Variants in RTN1 observed in about 807,000 individuals in gnomAD.
RTN1 encodes reticulon 1, also known as reticulon-1.
RTN1 carries 25 observed loss-of-function variants against 65.5 expected under a neutral mutation model. The observed-to-expected ratio is 0.38, with a 90% CI of 0.28 to 0.53. The LOEUF (loss-of-function observed/expected upper bound fraction) is 0.53. Among genes scored for constraint, RTN1 ranks in the 20% least tolerant of loss-of-function variants. The probability of loss-of-function intolerance (pLI) is 0.79; values close to 1 mark genes in which losing one functional copy is unlikely to be tolerated. For missense variants in RTN1, 983 were observed against 1,025.4 expected, an observed-to-expected ratio of 0.96 and a Z score of 0.57; for synonymous variants, 471 against 447.6, an observed-to-expected ratio of 1.05 and a Z score of -0.66.
intron 1 of RTN1, among the ~76,000 whole-genome samples, chr14:59,809,823 G>A (rs977264773): frequency 6.6e-6 from 1 of 152,100 alleles, no homozygotes; most frequent in African/African-American, 2.4e-5. Flanking sequence ...GCCCTAGTGA[G>A]GTAGTAAGAG....
chr14:59,728,794 C>A (rs1487532975), intron 2 of RTN1, among the ~76,000 whole-genome samples: 1 of 152,168 alleles, frequency 6.6e-6, no homozygotes, highest in Non-Finnish European at 1.5e-5. Flanking sequence ...TATCCATATT[C>A]ATTCATCTGT....
At chr14:59,694,967 C>A (rs1884033493) in intron 3 of RTN1, among the ~76,000 whole-genome samples, 1 of 152,180 alleles carries the variant, frequency 6.6e-6, no homozygotes, top group Non-Finnish European at 1.5e-5. Context: ...AAGTGGGCAG[C>A]CACAGACAAA....
In RTN1 at chr14:59,870,396, A is replaced by G; in HGVS notation, c.235T>C (p.Ser79Pro). Residue 79 changes from serine (S) to proline (P), a missense_variant, in exon 1 of 9, where the codon TCC (serine) becomes CCC (proline). Ser to Pro is a moderately conservative substitution (Grantham distance 74). Transcript: ENST00000267484. The surrounding 1 kb of genome is among the most constrained non-coding windows in gnomAD (Gnocchi z 5.1). ...RQSPVAMETASTGVAGVSSAM... is the reference protein window; with the variant it reads ...RQSPVAMETAPTGVAGVSSAM... The stretch of plus-strand genomic sequence containing the variant: ...GCAGCGGCGCCCGCCTTACCTGTGG[A>G]TGCAGTTTCCATGGCAACGGGCGAC... 1 of 1,524,200 alleles carries G rather than the reference A, an allele frequency of 6.6e-7. No individual in the cohort carries two copies. The highest frequency in any genetic ancestry group is 1.4e-5 in the African/African-American group (1 of 69,892). 94.4% of individuals were successfully genotyped at this position (1,524,200 alleles called of 1,614,324 possible).
At chr14:59,703,594 T>C (rs1455514730) in intron 3 of RTN1, among the ~76,000 whole-genome samples, 1 of 152,186 alleles carries the variant, frequency 6.6e-6, no homozygotes, top group Non-Finnish European at 1.5e-5. Flanking sequence ...CAGCTTCAGG[T>C]ATTTCTTTGT....
intron 1 of RTN1, among the ~76,000 whole-genome samples, chr14:59,759,653 C>G (rs554346639): frequency 6.6e-6 from 1 of 151,574 alleles, no homozygotes; most frequent in Non-Finnish European, 1.5e-5. Context: ...AGGGGAAGTT[C>G]CCCTAATATA....
chr14:59,636,407 C>T (rs1882666378), intron 3 of RTN1, among the ~76,000 whole-genome samples: 1 of 152,156 alleles, frequency 6.6e-6, no homozygotes, highest in South Asian at 2.1e-4. Flanking sequence ...CCCACTTCAC[C>T]TTCTGCCATG....
intron 1 of RTN1, among the ~76,000 whole-genome samples, chr14:59,798,290 T>A (rs1293009009): frequency 6.6e-6 from 1 of 152,208 alleles, no homozygotes; most frequent in East Asian, 1.9e-4. Flanking sequence ...ACTAATTGCA[T>A]GAATTTGGGC....
chr14:59,711,027 C>T (rs1157465515), intron 3 of RTN1, among the ~76,000 whole-genome samples: 1 of 152,158 alleles, frequency 6.6e-6, no homozygotes, highest in African/African-American at 2.4e-5. Flanking sequence ...CAGGTTCAAA[C>T]CCAAATCTTT....
intron 3 of RTN1, among the ~76,000 whole-genome samples, chr14:59,633,999 A>T (rs1436575857): frequency 6.6e-6 from 1 of 152,246 alleles, no homozygotes; most frequent in Non-Finnish European, 1.5e-5. Context: ...GGCATAAAGC[A>T]GAGTTCCTAC....
chr14:59,758,356 T>G (rs1463969037), intron 1 of RTN1, among the ~76,000 whole-genome samples: 1 of 152,210 alleles, frequency 6.6e-6, no homozygotes, highest in Non-Finnish European at 1.5e-5. Context: ...TGTGACCATC[T>G]TTGCCCATCC....
chr14:59,852,769 C>A (rs1434889887), intron 1 of RTN1, among the ~76,000 whole-genome samples: 1 of 152,134 alleles, frequency 6.6e-6, no homozygotes, highest in Non-Finnish European at 1.5e-5. Context: ...CCTCTGAGAG[C>A]CACAAATTCA....
intron 3 of RTN1, among the ~76,000 whole-genome samples, chr14:59,720,324 T>A (rs576743248): frequency 2.8e-4 from 43 of 152,094 alleles, no homozygotes; most frequent in Non-Finnish European, 5.0e-4. Context: ...AGAAAAGCCA[T>A]GAATTCAGCT....
chr14:59,799,668 T>A (rs1038187276), intron 1 of RTN1, among the ~76,000 whole-genome samples: 2 of 152,198 alleles, frequency 1.3e-5, no homozygotes, highest in African/African-American at 4.8e-5. Context: ...AAGAAATATT[T>A]GGAAAAGGGC....
chr14:59,763,233 G>A lies in RTN1; in HGVS notation c.242-16752C>T, dbSNP rs562809586. ...CCCAGAGGTACCCATACAAATCAAG[G>A]AAAATGACAAGAAAGATTAATGTCC... On this transcript the variant is annotated intron_variant, in intron 1 of 8. Coordinates refer to ENST00000267484, the MANE Select transcript of RTN1 (RefSeq NM_021136.3). 3.3e-5 allele frequency among the ~76,000 whole-genome samples: 5 copies of A among 152,236 alleles called. No individual in the cohort carries two copies. The South Asian group carries it at 1.0e-3, about 32-fold the overall frequency.
At chr14:59,609,091 C>A (rs1369805363) in intron 3 of RTN1, among the ~76,000 whole-genome samples, 1 of 151,828 alleles carries the variant, frequency 6.6e-6, no homozygotes, top group Admixed American at 6.6e-5. Context: ...TCGAGACCAG[C>A]CCAGCCAACA....
intron 1 of RTN1, among the ~76,000 whole-genome samples, chr14:59,845,707 C>T (rs1437646799): frequency 6.6e-6 from 1 of 152,196 alleles, no homozygotes; most frequent in Non-Finnish European, 1.5e-5. Context: ...CCAGGAAAAT[C>T]TTGTCATGCA....
chr14:59,718,938 C>T (rs1249447137), intron 3 of RTN1, among the ~76,000 whole-genome samples: 1 of 152,126 alleles, frequency 6.6e-6, no homozygotes, highest in African/African-American at 2.4e-5. Flanking sequence ...ATCTCAAATC[C>T]ATCCATTCCT....
intron 3 of RTN1, among the ~76,000 whole-genome samples, chr14:59,616,521 A>G (rs1449762014): frequency 1.3e-5 from 2 of 152,180 alleles, no homozygotes; most frequent in South Asian, 2.1e-4. Flanking sequence ...TTTACTTTGG[A>G]CTTTATTTAT....
At chr14:59,748,450 C>T (rs1299243895) in intron 1 of RTN1, among the ~76,000 whole-genome samples, 2 of 151,856 alleles carry the variant, frequency 1.3e-5, no homozygotes, top group Admixed American at 6.6e-5. Context: ...CTCTCACCCC[C>T]AAGTCTTTGC....
Sources: gnomAD v4.1 joint callset for allele counts (sites outside exome capture counted in the v4.1 genomes callset) on GRCh38, gnomAD v4.1.1 for gene constraint, Gnocchi (gnomAD v3.1) non-coding constraint, MANE v1.5 for transcripts, NCBI Gene and HGNC (gene_info 2026-07-23, HGNC 2026-07-21) for gene names.